Variants in PPP1R7 observed in about 807,000 individuals in gnomAD.
The protein encoded by PPP1R7 is protein phosphatase 1 regulatory subunit 22.
A neutral mutation model predicts 45.2 loss-of-function variants in PPP1R7; 18 were observed. That is an observed-to-expected ratio of 0.40 (90% CI 0.28 to 0.59). The LOEUF (loss-of-function observed/expected upper bound fraction) is 0.59, where lower values mean the gene tolerates loss of function less well. PPP1R7 is among the 20% of genes least tolerant of loss of function. PPP1R7 has a pLI of 0.46. For missense variants in PPP1R7, 314 were observed against 455.8 expected (o/e 0.69, Z 2.83); for synonymous variants, 181 against 183.4 (o/e 0.99, Z 0.11).
At chr2:241,181,691 G>A (rs1432905030) in intron 9 of PPP1R7, among the ~76,000 whole-genome samples, 3 of 152,146 alleles carry the variant, frequency 2.0e-5, no homozygotes, top group Non-Finnish European at 4.4e-5. Context: ...CGTTCCACAT[G>A]GACAGTTCCC....
upstream of PPP1R7, chr2:241,150,396 C>T: frequency 2.2e-6 from 3 of 1,348,586 alleles, no homozygotes; most frequent in Non-Finnish European, 2.9e-6. Context: ...CTGAAGTCGC[C>T]GCGCCGGAAT....
intron 5 of PPP1R7, 83 bp from the exon 6 acceptor site, chr2:241,160,249 G>C: frequency 4.8e-6 from 5 of 1,036,594 alleles, no homozygotes; most frequent in East Asian, 3.2e-5. Context: ...TGATGGGGAC[G>C]CCACCTTTAG....
intron 9 of PPP1R7, among the ~76,000 whole-genome samples, chr2:241,179,791 G>A (rs547253332): frequency 1.3e-5 from 2 of 152,358 alleles, no homozygotes; most frequent in Admixed American, 6.5e-5. Flanking sequence ...TCATACAAGT[G>A]AATGTTTTTA....
chr2:241,163,207 C>T, intron 6 of PPP1R7, 78 bp from the exon 7 acceptor site: 1 of 885,324 alleles, frequency 1.1e-6, no homozygotes, highest in Admixed American at 2.0e-5. Flanking sequence ...CATAGCTCTG[C>T]CCCGGTCCAG....
Position 241,163,462 on chromosome 2 carries a change from A to G in PPP1R7, c.714+61A>G, listed in dbSNP as rs2067639853. 2.8e-5 allele frequency: 33 copies of G among 1,184,512 alleles called. No individual in the cohort carries two copies. The South Asian group carries it at 4.2e-4, about 15-fold the overall frequency. The allele number at this position is 1,184,512 out of a possible 1,614,324, so 73.4% of individuals were successfully genotyped here. The stretch of plus-strand genomic sequence containing the variant: ...CCTGGCAGGGCCAGCGCTGCTGGAC[A>G]CAATCTTAGTTTTTATCCTTCACTG... On this transcript the variant is annotated intron_variant, in intron 7 of 9. Coordinates refer to ENST00000234038, the MANE Select transcript of PPP1R7 (RefSeq NM_002712.3).
chr2:241,166,223 G>A lies in PPP1R7; in HGVS notation c.715-114G>A, dbSNP rs904191938. The A allele has an allele frequency of 1.2e-5, 11 of 904,916 alleles. No homozygotes were observed. The African/African-American group carries it at 1.7e-4, about 14-fold the overall frequency. The allele number at this position is 904,916 out of a possible 1,614,324, so 56.1% of individuals were successfully genotyped here. A position where few individuals can be genotyped will look rare whatever the true frequency, so the allele number is the denominator to read the frequency against. On this transcript the variant is annotated intron_variant, in intron 7 of 9. Transcript: ENST00000234038. ...GGCCCCATTCTAGCATGTTTTAAGT[G>A]AAATTCTCTGTTCTTAGAATTCTTC...
chr2:241,165,913 T>A (rs7607658), intron 7 of PPP1R7, among the ~76,000 whole-genome samples: 7,276 of 146,872 alleles, frequency 0.05, 475 homozygotes, highest in African/African-American at 0.15. Context: ...ATATATATAT[T>A]TTTTTTTGAG....
chr2:241,177,296 A>G (rs544043712), intron 9 of PPP1R7, among the ~76,000 whole-genome samples: 114 of 152,278 alleles, frequency 7.5e-4, no homozygotes, highest in Non-Finnish European at 1.4e-3. Context: ...ACGCGCCTGT[A>G]GTCACCACTA....
rs1476316877 is a variant in PPP1R7, at chr2:241,150,470, T to C, written c.-26T>C. ...TGGCTGAGGGGTCTGAGGCGACAGA[T>C]TCCGGAAAGGGGAAGAGCAGCCAAC... On this transcript the variant is annotated 5_prime_UTR_variant, in exon 1 of 10. Coordinates refer to ENST00000234038, the MANE Select transcript of PPP1R7 (RefSeq NM_002712.3). 7.0e-6 allele frequency: 11 copies of C among 1,572,202 alleles called. No individual in the cohort carries two copies. The highest frequency in any genetic ancestry group is 8.6e-6 in the Non-Finnish European group (10 of 1,159,132).
At chr2:241,151,629 C>A (rs961696689) in intron 1 of PPP1R7, 17 of 457,320 alleles carry the variant, frequency 3.7e-5, no homozygotes, top group African/African-American at 3.2e-4. Flanking sequence ...ACTTCATACC[C>A]TTTGAGTCTT....
intron 7 of PPP1R7, among the ~76,000 whole-genome samples, 160 bp from the exon 8 acceptor site, chr2:241,166,177 C>T (rs1231110118): frequency 6.6e-6 from 1 of 152,146 alleles, no homozygotes; most frequent in East Asian, 1.9e-4. Flanking sequence ...GCTGGGATTA[C>T]AGGCATGAGC....
chr2:241,151,934 A>G (rs1369587432), intron 1 of PPP1R7, among the ~76,000 whole-genome samples: 2 of 152,174 alleles, frequency 1.3e-5, no homozygotes, highest in East Asian at 1.9e-4. Context: ...ATGCAGAGCC[A>G]CTGTCCCATG....
upstream of PPP1R7, chr2:241,150,441 T>C: frequency 7.7e-7 from 1 of 1,298,426 alleles, no homozygotes; most frequent in Non-Finnish European, 1.0e-6. Flanking sequence ...GCGGGAGCCC[T>C]GATTGGCTGA....
intron 9 of PPP1R7, among the ~76,000 whole-genome samples, chr2:241,174,547 G>A (rs1008784176): frequency 6.6e-6 from 1 of 152,058 alleles, no homozygotes; most frequent in African/African-American, 2.4e-5. Context: ...TTGTGGTCCT[G>A]AAAGTTCCTC....
Position 241,150,528 on chromosome 2 carries a change from G to A in PPP1R7, c.33G>A (p.Gln11=). 1 of 1,598,886 alleles carries A rather than the reference G, an allele frequency of 6.3e-7. No homozygotes were observed. ...CGGAACGCGGCGCGGGGCAGCAACA[G>A]TCGCAGGAGATGATGGAGGGTGAGC... MAAERGAGQQ[Q]SQEMMEVDRR... Residue 11 remains glutamine (Q), a synonymous_variant, in exon 1 of 10, where the codon CAG becomes CAA. Transcript: ENST00000234038.
At chr2:241,162,777 G>A (rs1400323134) in intron 6 of PPP1R7, among the ~76,000 whole-genome samples, 2 of 151,634 alleles carry the variant, frequency 1.3e-5, no homozygotes, top group South Asian at 4.2e-4. Context: ...CTGCCTCCTG[G>A]GTTCACGCCA....
intron 5 of PPP1R7, among the ~76,000 whole-genome samples, chr2:241,159,760 G>A (rs1341306005): frequency 2.0e-5 from 3 of 152,138 alleles, no homozygotes; most frequent in African/African-American, 4.8e-5. Flanking sequence ...GCCAGGTGCA[G>A]TGGTGCATAC....
chr2:241,164,652 A>G (rs2149060004), intron 7 of PPP1R7, among the ~76,000 whole-genome samples: 1 of 152,248 alleles, frequency 6.6e-6, no homozygotes, highest in East Asian at 1.9e-4. Context: ...TAACCTCAGC[A>G]CTTCGGGAGA....
chr2:241,165,921 G>T (rs2067696490), intron 7 of PPP1R7, among the ~76,000 whole-genome samples: 2 of 139,006 alleles, frequency 1.4e-5, no homozygotes, highest in Admixed American at 7.4e-5. Flanking sequence ...ATTTTTTTTT[G>T]AGATGGAGTC....
Sources: gnomAD v4.1 joint callset for allele counts (sites outside exome capture counted in the v4.1 genomes callset) on GRCh38, gnomAD v4.1.1 for gene constraint, MANE v1.5 for transcripts, NCBI Gene and HGNC (gene_info 2026-07-23, HGNC 2026-07-21) for gene names.